The following RORA variants were observed in gnomAD, a reference collection of about 807,000 sequenced individuals.
RORA encodes nuclear receptor ROR-alpha.
RORA carries 7 observed loss-of-function variants against 69.5 expected under a neutral mutation model. The observed-to-expected ratio is 0.10, with a 90% CI of 0.06 to 0.19. The LOEUF (loss-of-function observed/expected upper bound fraction) is 0.19, where lower values mean the gene tolerates loss of function less well. RORA is among the 10% of genes least tolerant of loss of function. The pLI is 1.00. For synonymous variants in RORA, 261 were observed against 240.8 expected (o/e 1.08, Z -0.78); for missense variants, 457 against 663.0 (o/e 0.69, Z 3.41).
chr15:60,694,545 C>T (rs907026039), intron 1 of RORA, among the ~76,000 whole-genome samples: 2 of 152,184 alleles, frequency 1.3e-5, no homozygotes, highest in Admixed American at 6.5e-5. Context: ...ACATAACTGC[C>T]CCTCCGTTCT....
At chr15:61,193,514 C>A (rs969859186) in intron 1 of RORA, among the ~76,000 whole-genome samples, 9 of 152,186 alleles carry the variant, frequency 5.9e-5, no homozygotes, top group African/African-American at 2.2e-4. Flanking sequence ...CACTTTGACT[C>A]CCTGGATCCA....
intron 1 of RORA, among the ~76,000 whole-genome samples, chr15:60,873,016 CCTT>C (rs964611261): frequency 6.6e-6 from 1 of 152,186 alleles, no homozygotes; most frequent in Non-Finnish European, 1.5e-5. Flanking sequence ...TTCCTCTTCT[CCTT>C]CTTCTTAGTT....
chr15:60,821,051 C>G (rs116015529), intron 1 of RORA, among the ~76,000 whole-genome samples: 4 of 150,532 alleles, frequency 2.7e-5, no homozygotes, highest in Non-Finnish European at 5.9e-5. Flanking sequence ...CCAGAGGATA[C>G]CTCACCTATG....
intron 4 of RORA, among the ~76,000 whole-genome samples, chr15:60,514,109 G>C (rs959057639): frequency 2.0e-5 from 3 of 152,178 alleles, no homozygotes; most frequent in Non-Finnish European, 2.9e-5. Flanking sequence ...GCCATGCTTT[G>C]CACTATTTTC....
intron 1 of RORA, among the ~76,000 whole-genome samples, chr15:60,906,266 T>C (rs1163143730): frequency 6.6e-6 from 1 of 152,212 alleles, no homozygotes; most frequent in Non-Finnish European, 1.5e-5. Flanking sequence ...GCTGCCTAAT[T>C]GCACCACAGC....
chr15:60,931,322 C>T (rs370180634), intron 1 of RORA, among the ~76,000 whole-genome samples: 1 of 152,230 alleles, frequency 6.6e-6, no homozygotes. Context: ...ACTGGATGCC[C>T]TGCCACCCAC....
Position 60,531,689 on chromosome 15 carries a change from A to C in RORA, c.282+77T>G. On this transcript the variant is annotated intron_variant, in intron 3 of 10. Transcript: ENST00000335670. This position sits in a 1 kb window ranked among gnomAD's most constrained non-coding sequence, Gnocchi z 4.8. ...ATTCTAAGGAGTTGAATTTTAAGAC[A>C]TAAGTGGAGACATACAAATCACAAA... 2.6e-6 allele frequency: 2 copies of C among 757,580 alleles called. No homozygotes were observed. The highest frequency in any genetic ancestry group is 4.3e-6 in the Non-Finnish European group (2 of 461,764). The allele number at this position is 757,580 out of a possible 1,614,324, so 46.9% of individuals were successfully genotyped here.
chr15:60,624,368 C>T (rs558012338), intron 2 of RORA, among the ~76,000 whole-genome samples: 1 of 149,704 alleles, frequency 6.7e-6, no homozygotes, highest in Non-Finnish European at 1.5e-5. Context: ...GTCAAGAGGC[C>T]TAAAGACCTT....
chr15:61,063,121 A>G (rs2078210001), intron 1 of RORA, among the ~76,000 whole-genome samples: 1 of 152,204 alleles, frequency 6.6e-6, no homozygotes, highest in Admixed American at 6.5e-5. Flanking sequence ...TGTGAAGCCC[A>G]CAAATCAGGA....
At chr15:61,076,927 T>G (rs1476488814) in intron 1 of RORA, among the ~76,000 whole-genome samples, 1 of 144,202 alleles carries the variant, frequency 6.9e-6, no homozygotes, top group Non-Finnish European at 1.6e-5. Flanking sequence ...CTCCCTTGCT[T>G]GTTCAAAGTA....
chr15:60,533,043 C>T (rs2066573698), intron 2 of RORA, among the ~76,000 whole-genome samples: 1 of 152,190 alleles, frequency 6.6e-6, no homozygotes, highest in Non-Finnish European at 1.5e-5. Flanking sequence ...ATCCCATATC[C>T]TGGGATGATT....
intron 1 of RORA, among the ~76,000 whole-genome samples, chr15:60,930,072 G>C (rs1892333256): frequency 6.6e-6 from 1 of 152,186 alleles, no homozygotes; most frequent in African/African-American, 2.4e-5. Flanking sequence ...AATTTGGCTA[G>C]TGTGAGAGAG....
At chr15:60,898,605 G>C (rs537937428) in intron 1 of RORA, among the ~76,000 whole-genome samples, 1 of 151,914 alleles carries the variant, frequency 6.6e-6, no homozygotes, top group Non-Finnish European at 1.5e-5. Flanking sequence ...AGGCTGAGGC[G>C]GGAAGATCAC....
At chr15:60,535,662 G>C (rs1409112996) in intron 2 of RORA, among the ~76,000 whole-genome samples, 1 of 151,992 alleles carries the variant, frequency 6.6e-6, no homozygotes, top group Non-Finnish European at 1.5e-5. Context: ...GAGATAACAT[G>C]GTCCAGAGAA....
intron 1 of RORA, among the ~76,000 whole-genome samples, chr15:60,992,960 C>T (rs1894425797): frequency 6.6e-6 from 1 of 152,056 alleles, no homozygotes; most frequent in Admixed American, 6.5e-5. Flanking sequence ...TTGCAGAGGT[C>T]CCACCACCCA....
chr15:60,671,468 G>A (rs1279701820), intron 2 of RORA, among the ~76,000 whole-genome samples: 1 of 151,962 alleles, frequency 6.6e-6, no homozygotes, highest in Non-Finnish European at 1.5e-5. Flanking sequence ...AAAAAGATAA[G>A]TAATGGTCAT....
At chr15:60,703,126 AACACACACAC>A (rs33962963) in intron 1 of RORA, among the ~76,000 whole-genome samples, 10 of 145,480 alleles carry the variant, frequency 6.9e-5, no homozygotes, top group Admixed American at 1.4e-4. Flanking sequence ...GCTTCAGATT[AACACACACAC>A]ACACACACAC....
chr15:60,849,677 T>C (rs1027148895), intron 1 of RORA, among the ~76,000 whole-genome samples: 3 of 152,222 alleles, frequency 2.0e-5, no homozygotes, highest in East Asian at 1.9e-4. Context: ...TGATTTGCAA[T>C]GTTTGCCAAT....
intron 1 of RORA, among the ~76,000 whole-genome samples, chr15:60,774,824 G>C (rs963540302): frequency 6.6e-6 from 1 of 152,178 alleles, no homozygotes; most frequent in African/African-American, 2.4e-5. Flanking sequence ...TTTCTCTTTT[G>C]TTGAACCCAC....
Sources: gnomAD v4.1 joint callset for allele counts (sites outside exome capture counted in the v4.1 genomes callset) on GRCh38, gnomAD v4.1.1 for gene constraint, Gnocchi (gnomAD v3.1) non-coding constraint, MANE v1.5 for transcripts, NCBI Gene and HGNC (gene_info 2026-07-23, HGNC 2026-07-21) for gene names.